Variants in ITGB1BP1 observed in about 807,000 individuals in gnomAD.
ITGB1BP1 encodes the protein integrin beta-1-binding protein 1.
Under a neutral mutation model 28.0 loss-of-function variants are expected in ITGB1BP1, and 20 were observed. The ratio of observed to expected loss-of-function variants is 0.71; its 90% CI spans 0.50 to 1.04. The LOEUF (loss-of-function observed/expected upper bound fraction) is 1.04, where lower values mean the gene tolerates loss of function less well. ITGB1BP1 is among the 50% of genes least tolerant of loss of function. The pLI, the probability that ITGB1BP1 is intolerant of heterozygous loss-of-function variation, is 0.00. For synonymous variants in ITGB1BP1, 103 were observed against 89.5 expected (o/e 1.15, Z -0.85); for missense variants, 228 against 242.5 (o/e 0.94, Z 0.40).
rs981448549 is a variant in ITGB1BP1 at position 9,407,893 on chromosome 2, G to A, written c.381+220C>T. 7 of 544,834 alleles carry A rather than the reference G, an allele frequency of 1.3e-5. 1 individual carries two copies. In the South Asian group the frequency reaches 1.6e-4, roughly 13 times the overall value. 33.7% of individuals were successfully genotyped at this position (544,834 alleles called of 1,614,324 possible). A position where few individuals can be genotyped will look rare whatever the true frequency, so the allele number is the denominator to read the frequency against. On this transcript the variant is annotated intron_variant, in intron 5 of 6. Coordinates refer to ENST00000355346, the MANE Select transcript of ITGB1BP1 (RefSeq NM_004763.5). ...GCATTCGGAGCCATCTGTGTGTTTG[G>A]GGGTGGGGGGGGCAGGTTGCATGGG...
intron 4 of ITGB1BP1, among the ~76,000 whole-genome samples, chr2:9,410,580 T>C (rs1678230154): frequency 6.6e-6 from 1 of 152,064 alleles, no homozygotes; most frequent in Non-Finnish European, 1.5e-5. Flanking sequence ...GCTGGGATTA[T>C]AGGCATGCAC....
intron 5 of ITGB1BP1, 39 bp downstream of exon 5, chr2:9,408,074 A>G (rs757828792): frequency 8.9e-7 from 1 of 1,126,016 alleles, no homozygotes; most frequent in South Asian, 1.3e-5. Context: ...ATTCCCTGTT[A>G]TCTAAAACAT....
chr2:9,412,501 G>A (rs1206217889), intron 3 of ITGB1BP1, 96 bp from the exon 4 acceptor site: 2 of 990,198 alleles, frequency 2.0e-6, no homozygotes, highest in African/African-American at 1.6e-5. Context: ...ACTGTCATTA[G>A]AACATAACCA....
intron 4 of ITGB1BP1, among the ~76,000 whole-genome samples, chr2:9,409,841 C>CTTTTT (rs1036594187): frequency 4.1e-5 from 5 of 123,162 alleles, no homozygotes; most frequent in Non-Finnish European, 6.7e-5. Context: ...ACCGTGAGTT[C>CTTTTT]TTTTTTTTTT....
chr2:9,410,311 A>C lies in ITGB1BP1; in HGVS notation c.288+1958T>G, dbSNP rs1329873639. Among the ~76,000 whole-genome samples, 6 of 152,124 alleles carry C rather than the reference A, an allele frequency of 3.9e-5. No homozygotes were observed. The East Asian group carries it at 9.7e-4, about 25-fold the overall frequency. ...CAGTGGTACAATGATGGCTCACTGC[A>C]ACTTTGACTTCCTGGGCTCAAGGAA... On this transcript the variant is annotated intron_variant, in intron 4 of 6. Coordinates refer to ENST00000355346, the MANE Select transcript of ITGB1BP1 (RefSeq NM_004763.5).
rs1191933475 is a variant in ITGB1BP1 at position 9,405,986 on chromosome 2, C to T, written c.*848G>A. 6.6e-6 allele frequency: 1 copy of T among 152,266 alleles called. No homozygotes were observed. Among genetic ancestry groups the T allele is most frequent in the Non-Finnish European group, 1.5e-5 (1 of 68,072 alleles). The allele number at this position is 152,266 out of a possible 1,614,324, so 9.4% of individuals were successfully genotyped here. Reference sequence around the variant, plus strand: ...TGCCAGTGATACCATGACTGGGAAGCCACCACTGAGCCCATGTCCTCAGTC... The same window carrying T: ...TGCCAGTGATACCATGACTGGGAAGTCACCACTGAGCCCATGTCCTCAGTC... On this transcript the variant is annotated 3_prime_UTR_variant, in exon 7 of 7. Transcript: ENST00000355346.
chr2:9,423,430 G>C lies in ITGB1BP1; in HGVS notation c.-93C>G. On this transcript the variant is annotated 5_prime_UTR_variant, in exon 1 of 7. Transcript: ENST00000355346. ...ACTTCGGGGTCCGCGTGGGAGTGCC[G>C]CGGCCTTTGGCGCCCAGGCAGCTAC... The C allele has an allele frequency of 1.8e-6, 2 of 1,142,678 alleles. No homozygotes were observed. The highest frequency in any genetic ancestry group is 2.2e-6 in the Non-Finnish European group (2 of 922,368). The allele number at this position is 1,142,678 out of a possible 1,614,324, so 70.8% of individuals were successfully genotyped here.
intron 5 of ITGB1BP1, 38 bp from the exon 6 acceptor site, chr2:9,407,636 C>G: frequency 6.2e-7 from 1 of 1,610,970 alleles, no homozygotes; most frequent in Non-Finnish European, 8.5e-7. Context: ...GATCAGGACT[C>G]TCAAATGTTT....
At chr2:9,423,310 G>T in intron 1 of ITGB1BP1, 63 bp downstream of exon 1, 1 of 1,224,660 alleles carries the variant, frequency 8.2e-7, no homozygotes, top group East Asian at 9.2e-5. Context: ...CCGCTCTCGG[G>T]ACCGTGTTCC....
rs1338848537 is a variant in ITGB1BP1, at chr2:9,408,212, A to G, written c.289-7T>C. 6.6e-7 allele frequency: 1 copy of G among 1,505,808 alleles called. No homozygotes were observed. 93.3% of individuals were successfully genotyped at this position (1,505,808 alleles called of 1,614,324 possible). On this transcript the variant is annotated splice_region_variant and splice_polypyrimidine_tract_variant and intron_variant, in intron 4 of 6. Transcript: ENST00000355346. Reference sequence around the variant, plus strand: ...AAGGCAACTTTCCATCTTGCTTTAAAGTAAAAATAAATTCCATGATAAAGA... The same window carrying G: ...AAGGCAACTTTCCATCTTGCTTTAAGGTAAAAATAAATTCCATGATAAAGA...
rs766971746 is a variant in ITGB1BP1, at chr2:9,412,295, G to C, written c.262C>G (p.Leu88Val). The C allele has an allele frequency of 1.9e-6, 3 of 1,611,552 alleles. No homozygotes were observed. Among genetic ancestry groups the C allele is most frequent in the Non-Finnish European group, 2.5e-6 (3 of 1,178,798 alleles). ...TGGGCAACGTCTATATAATTTATCA[G>C]GTCTAATGGCCCTTCAAGGCCTTTT... ...EGKGLEGPLD[L>V]INYIDVAQQD... The change falls in exon 4 of 7, where the codon CTG (leucine) becomes GTG (valine). Residue 88 changes from leucine to valine, a missense_variant. Physicochemically the swap from Leu to Val is conservative, Grantham distance 32 (BLOSUM62 1). This residue lies in a region of ITGB1BP1 where 192 missense variants were observed against 181.6 expected (regional missense o/e 1.06). Coordinates refer to ENST00000355346, the MANE Select transcript of ITGB1BP1 (RefSeq NM_004763.5).
intron 1 of ITGB1BP1, chr2:9,422,343 C>T (rs927275050): frequency 5.3e-6 from 5 of 939,250 alleles, no homozygotes; most frequent in Non-Finnish European, 6.3e-6. Context: ...CCACTTCCAT[C>T]CTCCACAACC....
At position 9,405,120 on chromosome 2, in the gene ITGB1BP1, ATC is replaced by A. The variant is rs767211500; in HGVS notation, c.*1712_*1713del. ...ACATTAGAACTCCAGTCCCAAACTA[ATC>A]TGTCAGGTTCACTGGTACATAAATA... On this transcript the variant is annotated 3_prime_UTR_variant, in exon 7 of 7. Transcript: ENST00000355346. The A allele has an allele frequency of 8.5e-5, 13 of 152,340 alleles. No individual in the cohort carries two copies. Among genetic ancestry groups the A allele is most frequent in the East Asian group, 5.8e-4 (3 of 5,198 alleles). 9.4% of individuals were successfully genotyped at this position (152,340 alleles called of 1,614,324 possible). A position where few individuals can be genotyped will look rare whatever the true frequency, so the allele number is the denominator to read the frequency against.
intron 1 of ITGB1BP1, among the ~76,000 whole-genome samples, chr2:9,419,833 C>G (rs939484337): frequency 5.3e-5 from 8 of 152,152 alleles, no homozygotes; most frequent in African/African-American, 1.9e-4. Flanking sequence ...GGGCTCTAAG[C>G]TCTCCCTCAA....
At position 9,420,460 on chromosome 2, in the gene ITGB1BP1, C is replaced by T. The variant is rs138310887; in HGVS notation, c.-35-1728G>A. On this transcript the variant is annotated intron_variant, in intron 1 of 6. Transcript: ENST00000355346. Reference sequence around the variant, plus strand: ...TAGACAGACCAACAAGAAAAACACACATGAAACATATTATTAGGAAACCAC... The same window carrying T: ...TAGACAGACCAACAAGAAAAACACATATGAAACATATTATTAGGAAACCAC... 3.7e-3 allele frequency among the ~76,000 whole-genome samples: 564 copies of T among 152,270 alleles called. 1 individual carries two copies. The highest frequency in any genetic ancestry group is 6.7e-3 in the Admixed American group (103 of 15,300).
In ITGB1BP1 at chr2:9,415,575, G is replaced by A. The variant is rs963484701; in HGVS notation, c.73-1319C>T. On this transcript the variant is annotated intron_variant, in intron 2 of 6. Coordinates refer to ENST00000355346, the MANE Select transcript of ITGB1BP1 (RefSeq NM_004763.5). This position sits in a 1 kb window ranked among gnomAD's most constrained non-coding sequence, Gnocchi z 4.1. The stretch of plus-strand genomic sequence containing the variant: ...AGCCTGGGCGACAGAGTGAGGCTCC[G>A]TCTCCAAAAATAAAAATAAAACAAG... 3.9e-5 allele frequency among the ~76,000 whole-genome samples: 6 copies of A among 152,120 alleles called. No homozygotes were observed. The highest frequency in any genetic ancestry group is 7.4e-5 in the Non-Finnish European group (5 of 68,024).
chr2:9,407,404 T>C, intron 6 of ITGB1BP1, 45 bp downstream of exon 6: 2 of 1,610,634 alleles, frequency 1.2e-6, no homozygotes, highest in Non-Finnish European at 1.7e-6. Flanking sequence ...CCCTGGGTGT[T>C]GCGACTTGAT....
chr2:9,422,551 T>A, intron 1 of ITGB1BP1: 1 of 985,420 alleles, frequency 1.0e-6, no homozygotes, highest in Non-Finnish European at 1.2e-6. Context: ...ACAGCTTGAG[T>A]GTACCCCCTG....
intron 5 of ITGB1BP1, 129 bp from the exon 6 acceptor site, chr2:9,407,727 C>A: frequency 1.0e-6 from 1 of 981,804 alleles, no homozygotes; most frequent in East Asian, 2.6e-5. Flanking sequence ...CAAGGGATGT[C>A]CTGTATGCTC....
Sources: allele counts gnomAD v4.1 joint callset (sites outside exome capture counted in the v4.1 genomes callset), GRCh38; gene constraint gnomAD v4.1.1; regional missense constraint gnomAD v4.1.1; non-coding constraint Gnocchi (gnomAD v3.1); transcripts MANE v1.5; gene names NCBI Gene and HGNC (gene_info 2026-07-23, HGNC 2026-07-21).